SEMA3A: variants seen among roughly 807,000 people sequenced by gnomAD.
The protein encoded by SEMA3A is semaphorin 3A, also known as semaphorin-3A.
A neutral mutation model predicts 97.9 loss-of-function variants in SEMA3A; 29 were observed. The ratio of observed to expected loss-of-function variants is 0.30; its 90% confidence interval spans 0.22 to 0.40. The LOEUF (loss-of-function observed/expected upper bound fraction) is 0.40. Among genes scored for constraint, SEMA3A ranks in the 10% least tolerant of loss-of-function variants. SEMA3A has a pLI of 1.00. For missense variants in SEMA3A, 763 were observed against 951.3 expected (o/e 0.80, Z 2.60); for synonymous variants, 321 against 323.7 (o/e 0.99, Z 0.09).
At chr7:84,238,518 A>G (rs1372388111) in intron 3 of SEMA3A, among the ~76,000 whole-genome samples, 1 of 152,150 alleles carries the variant, frequency 6.6e-6, no homozygotes, top group Non-Finnish European at 1.5e-5. Flanking sequence ...GAGAAATAAT[A>G]GCTTATGAAT....
intron 2 of SEMA3A, among the ~76,000 whole-genome samples, chr7:84,341,986 C>T (rs772527924): frequency 6.6e-6 from 1 of 152,156 alleles, no homozygotes. Flanking sequence ...GTCATCTCAA[C>T]TCAGTGAAGC....
chr7:84,274,384 A>C (rs904890681), intron 3 of SEMA3A, among the ~76,000 whole-genome samples: 1 of 152,032 alleles, frequency 6.6e-6, no homozygotes, highest in Non-Finnish European at 1.5e-5. Context: ...CCCACAATTA[A>C]GGGAGTAGAG....
chr7:84,319,154 A>C (rs1801585935), intron 2 of SEMA3A, among the ~76,000 whole-genome samples: 1 of 152,160 alleles, frequency 6.6e-6, no homozygotes, highest in South Asian at 2.1e-4. Flanking sequence ...AGAAAGCTCA[A>C]TGAATTTGGA....
chr7:84,352,234 G>A (rs973635574), intron 2 of SEMA3A, among the ~76,000 whole-genome samples: 4 of 151,966 alleles, frequency 2.6e-5, no homozygotes, highest in South Asian at 2.1e-4. Context: ...GGCTGGAAAG[G>A]TTAGTGGAAA....
intron 3 of SEMA3A, among the ~76,000 whole-genome samples, chr7:84,258,911 T>A (rs1799779098): frequency 6.6e-6 from 1 of 152,072 alleles, no homozygotes; most frequent in Admixed American, 6.5e-5. Context: ...GATGATTTTT[T>A]TTTTTTTTTC....
intron 3 of SEMA3A, among the ~76,000 whole-genome samples, chr7:84,124,615 C>T (rs1795735758): frequency 6.6e-6 from 1 of 152,136 alleles, no homozygotes; most frequent in African/African-American, 2.4e-5. Flanking sequence ...AAGAAAAAGC[C>T]TCTTTCTTCT....
intron 1 of SEMA3A, among the ~76,000 whole-genome samples, chr7:84,416,311 A>C (rs1804433007): frequency 6.6e-6 from 1 of 152,064 alleles, no homozygotes; most frequent in Non-Finnish European, 1.5e-5. Flanking sequence ...TTCTCTTGCC[A>C]CCACCATGTA....
At chr7:84,249,572 G>T (rs533530155) in intron 3 of SEMA3A, among the ~76,000 whole-genome samples, 14 of 151,720 alleles carry the variant, frequency 9.2e-5, no homozygotes, top group African/African-American at 3.2e-4. Flanking sequence ...ATCAACTATT[G>T]TTTATAGTGC....
In SEMA3A at chr7:84,307,590, T is replaced by C. The variant is rs540312067; in HGVS notation, c.-168-298A>G. ...TCTGGCTCTACTAAAGAATAACTGA[T>C]TTATTTGAGAATTAGGTAAAACACT... On this transcript the variant is annotated intron_variant, in intron 2 of 3. Transcript: ENST00000424555. Among the ~76,000 whole-genome samples the C allele has an allele frequency of 2.6e-5, 4 of 152,248 alleles. No individual in the cohort carries two copies. In the South Asian group the frequency reaches 6.2e-4, roughly 24 times the overall value.
chr7:84,145,721 CAA>C (rs777380849), intron 1 of SEMA3A, among the ~76,000 whole-genome samples: 6 of 152,120 alleles, frequency 3.9e-5, no homozygotes, highest in Non-Finnish European at 7.4e-5. Flanking sequence ...GCATTAAACA[CAA>C]AATCTACTGA....
chr7:84,019,126 A>G (rs749820239), intron 6 of SEMA3A, among the ~76,000 whole-genome samples: 44 of 152,272 alleles, frequency 2.9e-4, no homozygotes, highest in Admixed American at 5.9e-4. Context: ...TAATATGTCG[A>G]ATGTAAGAAA....
intron 1 of SEMA3A, among the ~76,000 whole-genome samples, chr7:84,488,317 TACACACAC>T (rs67659986): frequency 8.9e-5 from 13 of 145,672 alleles, no homozygotes; most frequent in Admixed American, 2.1e-4. Flanking sequence ...TCTTCGTATA[TACACACAC>T]ACACACACAC....
rs1160143259 is a variant in SEMA3A, at chr7:84,481,074, G to GAGAGTGTCAA, written c.-246+11376_-246+11385dup. Among the ~76,000 whole-genome samples the GAGAGTGTCAA allele has an allele frequency of 2.0e-5, 3 of 152,230 alleles. No individual in the cohort carries two copies. In the East Asian group the frequency reaches 5.8e-4, roughly 29 times the overall value. On this transcript the variant is annotated intron_variant, in intron 1 of 3. Coordinates refer to the SEMA3A transcript ENST00000424555. ...CCCTGATTTTGGAAAAGTGTGAGGA[G>GAGAGTGTCAA]AGAGTGTCAAAGATAAAGCTCATGA...
At chr7:84,056,760 A>T (rs948947805) in intron 5 of SEMA3A, among the ~76,000 whole-genome samples, 1 of 152,136 alleles carries the variant, frequency 6.6e-6, no homozygotes, top group Non-Finnish European at 1.5e-5. Context: ...GTTCTTTTAA[A>T]ATTAAAATTT....
intron 5 of SEMA3A, among the ~76,000 whole-genome samples, chr7:84,050,441 G>C (rs1370276222): frequency 6.6e-6 from 1 of 151,926 alleles, no homozygotes; most frequent in African/African-American, 2.4e-5. Flanking sequence ...ATTTTGCTTT[G>C]CATTTCTCTG....
chr7:84,206,617 C>T (rs748434838), intron 3 of SEMA3A, among the ~76,000 whole-genome samples: 40 of 151,842 alleles, frequency 2.6e-4, no homozygotes, highest in African/African-American at 8.0e-4. Flanking sequence ...CCACCGCGTC[C>T]GGCCTTCCAA....
intron 3 of SEMA3A, among the ~76,000 whole-genome samples, chr7:84,260,704 A>T (rs1207939311): frequency 6.6e-6 from 1 of 152,180 alleles, no homozygotes; most frequent in African/African-American, 2.4e-5. Context: ...CTTTGGGCAC[A>T]AATGAGCATG....
chr7:84,425,140 T>G lies in SEMA3A; in HGVS notation c.-245-53240A>C, dbSNP rs796644822. ...TATATAAATTATTTATATATAAATATTATATATATTTATATATTATAAATA... is the reference window on the plus strand; with the variant it reads ...TATATAAATTATTTATATATAAATAGTATATATATTTATATATTATAAATA... On this transcript the variant is annotated intron_variant, in intron 1 of 3. Coordinates refer to the SEMA3A transcript ENST00000424555. 2.4e-4 allele frequency among the ~76,000 whole-genome samples: 27 copies of G among 110,246 alleles called. No individual in the cohort carries two copies. In the South Asian group the frequency reaches 5.0e-3, roughly 21 times the overall value. The allele number at this position is 110,246 out of a possible 152,430, so 72.3% of individuals were successfully genotyped here.
chr7:84,367,930 C>T (rs1350648854), intron 2 of SEMA3A, among the ~76,000 whole-genome samples: 1 of 151,162 alleles, frequency 6.6e-6, no homozygotes, highest in Non-Finnish European at 1.5e-5. Context: ...ATTGTACCTT[C>T]TGATGGACAC....
Sources: allele counts gnomAD v4.1 joint callset (sites outside exome capture counted in the v4.1 genomes callset), GRCh38; gene constraint gnomAD v4.1.1; transcripts MANE v1.5; gene names NCBI Gene and HGNC (gene_info 2026-07-23, HGNC 2026-07-21).